The following NCF2 variants were observed in gnomAD, a reference collection of about 807,000 sequenced individuals.
NCF2 encodes the protein neutrophil cytosol factor 2.
NCF2 carries 45 observed loss-of-function variants against 70.9 expected under a neutral mutation model. The ratio of observed to expected loss-of-function variants is 0.63; its 90% CI spans 0.50 to 0.81. NCF2 has a LOEUF of 0.81. Among genes scored for constraint, NCF2 ranks in the 40% least tolerant of loss-of-function variants. The pLI is 0.00. For missense variants in NCF2, 522 were observed against 631.6 expected, an observed-to-expected ratio of 0.83 and a Z score of 1.86; for synonymous variants, 203 against 233.6, an observed-to-expected ratio of 0.87 and a Z score of 1.19.
chr1:183,590,353 A>G lies in NCF2; in HGVS notation c.-24T>C. 1.2e-6 allele frequency: 2 copies of G among 1,613,978 alleles called. No homozygotes were observed. Among genetic ancestry groups the G allele is most frequent in the South Asian group, 2.2e-5 (2 of 91,058 alleles). On this transcript the variant is annotated 5_prime_UTR_variant, in exon 1 of 15. Coordinates refer to ENST00000367535, the MANE Select transcript of NCF2 (RefSeq NM_000433.4). ...ATGATTAGGTAGAAACTAGGAGGCC[A>G]AGAGAGCTGCCAGGAGACAGAGAGA...
intron 1 of NCF2, among the ~76,000 whole-genome samples, chr1:183,588,005 C>A (rs1435954724): frequency 6.6e-6 from 1 of 152,144 alleles, no homozygotes; most frequent in African/African-American, 2.4e-5. Flanking sequence ...CCAGTAGACA[C>A]TATGTTACTA....
In NCF2 at chr1:183,580,089, A is replaced by T. The variant is rs546047247; in HGVS notation, c.258-2382T>A. Among the ~76,000 whole-genome samples the T allele has an allele frequency of 5.9e-5, 9 of 152,328 alleles. No individual in the cohort carries two copies. The East Asian group carries it at 1.7e-3, about 29-fold the overall frequency. ...AAGAGAGTCATAAGGAACGGGTGCC[A>T]GTGTGGCTGGGGGAGAAGCCATCAC... On this transcript the variant is annotated intron_variant, in intron 2 of 14. Transcript: ENST00000367535.
intron 2 of NCF2, among the ~76,000 whole-genome samples, chr1:183,581,889 G>A (rs958799661): frequency 5.3e-5 from 8 of 152,098 alleles, no homozygotes; most frequent in Non-Finnish European, 8.8e-5. Flanking sequence ...GGATGGTCTC[G>A]ATCTCCTTAC....
intron 2 of NCF2, among the ~76,000 whole-genome samples, chr1:183,581,568 A>G (rs1025613069): frequency 6.6e-6 from 1 of 151,856 alleles, no homozygotes; most frequent in Non-Finnish European, 1.5e-5. Context: ...GGTTCAAGCA[A>G]TCCTCCCACC....
chr1:183,595,231 G>A (rs539053030), upstream of NCF2, among the ~76,000 whole-genome samples: 91 of 152,270 alleles, frequency 6.0e-4, no homozygotes, highest in African/African-American at 2.0e-3. Context: ...AGGAGGCAGG[G>A]AGGAGACCTC....
chr1:183,591,508 G>A (rs1424262497), upstream of NCF2, among the ~76,000 whole-genome samples: 3 of 146,628 alleles, frequency 2.0e-5, no homozygotes, highest in African/African-American at 7.6e-5. Context: ...TTGAGACGGA[G>A]TTTCACTCTT....
At chr1:183,566,882 G>T in intron 9 of NCF2, 38 bp downstream of exon 9, 1 of 1,611,302 alleles carries the variant, frequency 6.2e-7, no homozygotes. Context: ...ATCCCTAAAG[G>T]GTGAGAGGAA....
upstream of NCF2, among the ~76,000 whole-genome samples, chr1:183,592,044 T>C (rs1673678036): frequency 6.6e-6 from 1 of 152,212 alleles, no homozygotes; most frequent in African/African-American, 2.4e-5. Flanking sequence ...GTAAAGGGTA[T>C]AGCCAATTTG....
chr1:183,560,081 T>A lies in NCF2; in HGVS notation c.1468+15A>T. The A allele has an allele frequency of 6.2e-7, 1 of 1,613,306 alleles. No individual in the cohort carries two copies. On this transcript the variant is annotated intron_variant, in intron 14 of 14. Coordinates refer to ENST00000367535, the MANE Select transcript of NCF2 (RefSeq NM_000433.4). ...ACATGTAAATTTGTTTCTATAGTCT[T>A]GGAGTAGCACTTACCCTTTGATAAC...
chr1:183,587,642 A>C (rs1197751284), intron 1 of NCF2, among the ~76,000 whole-genome samples: 3 of 151,456 alleles, frequency 2.0e-5, no homozygotes, highest in Non-Finnish European at 2.9e-5. Flanking sequence ...GATACAAATA[A>C]AGACAAAGTG....
the NCF2 span, among the ~76,000 whole-genome samples, chr1:183,596,586 A>C: frequency 1.3e-5 from 2 of 152,006 alleles, no homozygotes; most frequent in African/African-American, 2.4e-5. Context: ...AGCCTGACCA[A>C]CATGGTGAAA....
At chr1:183,577,551 A>C (rs1176824107) in intron 3 of NCF2, 48 bp downstream of exon 3, 2 of 1,434,472 alleles carry the variant, frequency 1.4e-6, no homozygotes, top group East Asian at 4.5e-5. Context: ...TCAGCCATCC[A>C]TCCAGCCATG....
chr1:183,592,694 A>G (rs889300879), upstream of NCF2, among the ~76,000 whole-genome samples: 1 of 152,330 alleles, frequency 6.6e-6, no homozygotes. Context: ...TCCTGAGAAA[A>G]CCAAATGGAT....
At chr1:183,566,704 G>A (rs1397319437) in intron 9 of NCF2, among the ~76,000 whole-genome samples, 1 of 152,202 alleles carries the variant, frequency 6.6e-6, no homozygotes, top group African/African-American at 2.4e-5. Flanking sequence ...GGCCCAATGG[G>A]ACCTACAGAT....
In NCF2 at chr1:183,556,101, G is replaced by A. The variant is rs1380493930; in HGVS notation, c.*17C>T. 4 of 1,595,366 alleles carry A rather than the reference G, an allele frequency of 2.5e-6. No individual in the cohort carries two copies. In the South Asian group the frequency reaches 3.3e-5, roughly 13 times the overall value. On this transcript the variant is annotated 3_prime_UTR_variant, in exon 15 of 15. Coordinates refer to ENST00000367535, the MANE Select transcript of NCF2 (RefSeq NM_000433.4). ...ATAGGGCTTCATTTTCTTCAGCTTTGTAGTTTGTGAAACATCCTAGACTTC... is the reference window on the plus strand; with the variant it reads ...ATAGGGCTTCATTTTCTTCAGCTTTATAGTTTGTGAAACATCCTAGACTTC...
rs546529394 is a variant in NCF2, at chr1:183,581,859, G to C, written c.258-4152C>G. ...ATTTTTTGTGTTTTTAGTAGAGCCA[G>C]GGTTTCACCGTGTTAGCCAGGATGG... On this transcript the variant is annotated intron_variant, in intron 2 of 14. Transcript: ENST00000367535. Among the ~76,000 whole-genome samples the C allele has an allele frequency of 9.7e-4, 147 of 152,280 alleles. 1 individual carries two copies. The highest frequency in any genetic ancestry group is 1.4e-3 in the Non-Finnish European group (94 of 68,020).
chr1:183,591,130 C>T (rs1050902620), upstream of NCF2, among the ~76,000 whole-genome samples: 10 of 152,196 alleles, frequency 6.6e-5, no homozygotes, highest in Non-Finnish European at 1.5e-5. Flanking sequence ...AAGCTGTTTT[C>T]ATCACTCAAT....
intron 3 of NCF2, among the ~76,000 whole-genome samples, chr1:183,575,932 T>C (rs547632027): frequency 1.3e-5 from 2 of 152,338 alleles, no homozygotes; most frequent in East Asian, 3.9e-4. Flanking sequence ...TGAGATTCAA[T>C]GAGCTACTGC....
chr1:183,585,320 T>G (rs1303504548), intron 2 of NCF2, among the ~76,000 whole-genome samples: 4 of 152,180 alleles, frequency 2.6e-5, no homozygotes, highest in East Asian at 1.9e-4. Flanking sequence ...CAGATCATTT[T>G]CACTGTCAGA....
Sources: allele counts gnomAD v4.1 joint callset (sites outside exome capture counted in the v4.1 genomes callset), GRCh38; gene constraint gnomAD v4.1.1; transcripts MANE v1.5; gene names NCBI Gene and HGNC (gene_info 2026-07-23, HGNC 2026-07-21).